The following MAGI1 variants were observed in gnomAD, a reference collection of about 807,000 sequenced individuals.
The protein encoded by MAGI1 is membrane associated guanylate kinase, WW and PDZ domain containing 1, also known as membrane-associated guanylate kinase, WW and PDZ domain-containing protein 1.
MAGI1 carries 58 observed loss-of-function variants against 139.9 expected under a neutral mutation model. The ratio of observed to expected loss-of-function variants is 0.41; its 90% CI spans 0.34 to 0.52. MAGI1 has a LOEUF of 0.52. Ranked by LOEUF, MAGI1 falls within the 20% of genes least tolerant of loss-of-function variation. The probability of loss-of-function intolerance (pLI) is 0.12; values close to 1 mark genes in which losing one functional copy is unlikely to be tolerated. For synonymous variants in MAGI1, 812 were observed against 737.9 expected, an observed-to-expected ratio of 1.10 and a Z score of -1.63; for missense variants, 1,874 against 1,901.6, an observed-to-expected ratio of 0.99 and a Z score of 0.27.
intron 1 of MAGI1, among the ~76,000 whole-genome samples, chr3:65,692,729 C>T (rs745857423): frequency 6.6e-6 from 1 of 151,992 alleles, no homozygotes; most frequent in Non-Finnish European, 1.5e-5. Context: ...CATGGGTTAT[C>T]GAGGGAGTGG....
intron 1 of MAGI1, among the ~76,000 whole-genome samples, chr3:65,624,531 T>C (rs2083861603): frequency 6.6e-6 from 1 of 152,176 alleles, no homozygotes; most frequent in Non-Finnish European, 1.5e-5. Flanking sequence ...AGATAAAATA[T>C]TGCATGATTT....
At chr3:65,487,745 C>G (rs1366027066) in intron 3 of MAGI1, among the ~76,000 whole-genome samples, 1 of 152,168 alleles carries the variant, frequency 6.6e-6, no homozygotes, top group Non-Finnish European at 1.5e-5. Context: ...GCATAACATC[C>G]TCTTTGGGAA....
At chr3:65,659,986 C>T (rs2086103841) in intron 1 of MAGI1, among the ~76,000 whole-genome samples, 2 of 152,180 alleles carry the variant, frequency 1.3e-5, no homozygotes, top group South Asian at 4.1e-4. Context: ...ACACAAATTA[C>T]AAGTTGGCCA....
chr3:65,771,276 C>T (rs1395578365), intron 1 of MAGI1, among the ~76,000 whole-genome samples: 1 of 151,216 alleles, frequency 6.6e-6, no homozygotes, highest in Non-Finnish European at 1.5e-5. Flanking sequence ...CACTGCACTC[C>T]AGCCTGGGTG....
chr3:65,914,490 G>C (rs1436236278), intron 1 of MAGI1, among the ~76,000 whole-genome samples: 1 of 152,092 alleles, frequency 6.6e-6, no homozygotes, highest in Non-Finnish European at 1.5e-5. Context: ...GACTAAGAGG[G>C]GACCTGAGAG....
chr3:65,535,558 A>T (rs2078924655), intron 2 of MAGI1, among the ~76,000 whole-genome samples: 1 of 152,248 alleles, frequency 6.6e-6, no homozygotes, highest in Non-Finnish European at 1.5e-5. Flanking sequence ...CATGCTTCAC[A>T]CCAGGAAAAC....
intron 1 of MAGI1, among the ~76,000 whole-genome samples, chr3:66,035,701 CAT>C (rs1366534946): frequency 6.6e-6 from 1 of 152,126 alleles, no homozygotes; most frequent in African/African-American, 2.4e-5. Flanking sequence ...TCCATACATA[CAT>C]ATACACACAC....
chr3:66,029,380 T>C (rs2068474830), intron 1 of MAGI1, among the ~76,000 whole-genome samples: 1 of 152,188 alleles, frequency 6.6e-6, no homozygotes, highest in African/African-American at 2.4e-5. Context: ...ATTATCCTTA[T>C]TGTAAGAAGC....
chr3:65,624,660 G>T (rs1243944318), intron 1 of MAGI1, among the ~76,000 whole-genome samples: 1 of 151,994 alleles, frequency 6.6e-6, no homozygotes, highest in Non-Finnish European at 1.5e-5. Flanking sequence ...GACTGCAAAG[G>T]GCATAAGGGA....
chr3:65,617,032 C>G (rs1026674943), intron 2 of MAGI1, among the ~76,000 whole-genome samples: 1 of 152,170 alleles, frequency 6.6e-6, no homozygotes, highest in Non-Finnish European at 1.5e-5. Context: ...ATAGCAGATG[C>G]TAAAATGCCC....
intron 1 of MAGI1, among the ~76,000 whole-genome samples, chr3:65,813,736 C>A (rs2041428937): frequency 6.6e-6 from 1 of 152,088 alleles, no homozygotes; most frequent in African/African-American, 2.4e-5. Context: ...ATGTTTAGAA[C>A]AATTAAAGTC....
chr3:65,748,874 C>G (rs2035910457), intron 1 of MAGI1, among the ~76,000 whole-genome samples: 1 of 152,102 alleles, frequency 6.6e-6, no homozygotes, highest in African/African-American at 2.4e-5. Flanking sequence ...GGTGAAATGA[C>G]ACGGACAAAA....
At chr3:65,865,104 C>T (rs1446648195) in intron 1 of MAGI1, among the ~76,000 whole-genome samples, 1 of 152,146 alleles carries the variant, frequency 6.6e-6, no homozygotes, top group Non-Finnish European at 1.5e-5. Context: ...CACACAACTA[C>T]ATAGACACAC....
At chr3:65,487,268 A>C (rs1292657892) in intron 3 of MAGI1, among the ~76,000 whole-genome samples, 1 of 152,154 alleles carries the variant, frequency 6.6e-6, no homozygotes, top group African/African-American at 2.4e-5. Context: ...CACACTTACA[A>C]TTGGATATTC....
intron 1 of MAGI1, among the ~76,000 whole-genome samples, chr3:65,944,275 G>A (rs2063454426): frequency 6.6e-6 from 1 of 152,154 alleles, no homozygotes; most frequent in Non-Finnish European, 1.5e-5. Flanking sequence ...CAGCCCTTTG[G>A]AAGGCAGAGG....
At chr3:65,470,917 A>G (rs1390365181) in intron 4 of MAGI1, among the ~76,000 whole-genome samples, 2 of 152,272 alleles carry the variant, frequency 1.3e-5, no homozygotes, top group Non-Finnish European at 2.9e-5. Flanking sequence ...AAACACAGAC[A>G]CAGTGGCATT....
intron 2 of MAGI1, among the ~76,000 whole-genome samples, chr3:65,583,125 T>C (rs751747867): frequency 3.9e-5 from 6 of 152,190 alleles, no homozygotes; most frequent in Admixed American, 1.3e-4. Flanking sequence ...GTCTTCAAAA[T>C]TGGGGTCCAC....
At chr3:65,783,769 A>G (rs1577102817) in intron 1 of MAGI1, among the ~76,000 whole-genome samples, 2 of 149,226 alleles carry the variant, frequency 1.3e-5, no homozygotes, top group East Asian at 4.1e-4. Context: ...AAGTGCTGAG[A>G]TTACAGGTGT....
At chr3:65,923,648 TGA>T (rs2062345755) in intron 1 of MAGI1, among the ~76,000 whole-genome samples, 1 of 152,168 alleles carries the variant, frequency 6.6e-6, no homozygotes, top group South Asian at 2.1e-4. Context: ...CTAGCAAGAA[TGA>T]GAGACATTCA....
Sources: gnomAD v4.1 joint callset for allele counts (sites outside exome capture counted in the v4.1 genomes callset) on GRCh38, gnomAD v4.1.1 for gene constraint, MANE v1.5 for transcripts, NCBI Gene and HGNC (gene_info 2026-07-23, HGNC 2026-07-21) for gene names.